ZFYVE21: variants seen among roughly 807,000 people sequenced by gnomAD.
ZFYVE21 encodes zinc finger FYVE domain-containing protein 21.
ZFYVE21 carries 21 observed loss-of-function variants against 29.5 expected under a neutral mutation model. The ratio of observed to expected loss-of-function variants is 0.71; its 90% confidence interval spans 0.50 to 1.02. The LOEUF (loss-of-function observed/expected upper bound fraction) is 1.02, where lower values mean the gene tolerates loss of function less well. Among genes scored for constraint, ZFYVE21 ranks in the 50% least tolerant of loss-of-function variants. The probability of loss-of-function intolerance (pLI) is 0.00; values close to 1 mark genes in which losing one functional copy is unlikely to be tolerated. For synonymous variants in ZFYVE21, 151 were observed against 133.8 expected, an observed-to-expected ratio of 1.13 and a Z score of -0.89; for missense variants, 326 against 335.4, an observed-to-expected ratio of 0.97 and a Z score of 0.22.
At chr14:103,721,687 C>T (rs549224009) in intron 1 of ZFYVE21, among the ~76,000 whole-genome samples, 1 of 152,230 alleles carries the variant, frequency 6.6e-6, no homozygotes, top group Non-Finnish European at 1.5e-5. Flanking sequence ...CCTTGCCTCA[C>T]TCTCCCTCTT....
chr14:103,729,277 CTGAGGAG>C, intron 5 of ZFYVE21, 95 bp downstream of exon 5: 1 of 1,254,602 alleles, frequency 8.0e-7, no homozygotes, highest in Non-Finnish European at 1.1e-6. Context: ...GGCAGCTGCC[CTGAGGAG>C]TGGGGTCTGC....
In ZFYVE21 at chr14:103,732,997, C is replaced by CT. The variant is rs1567073522; in HGVS notation, c.685dup (p.Tyr229LeufsTer2). 1 of 1,614,022 alleles carries CT rather than the reference C, an allele frequency of 6.2e-7. No homozygotes were observed. Among genetic ancestry groups the CT allele is most frequent in the South Asian group, 1.1e-5 (1 of 91,082 alleles). Reference sequence around the variant, plus strand: ...CTGATCTGCAGGCTGCCAAGCTCCTCTATGAATCTCGGGACCAGTAACTCT... The same window carrying CT: ...CTGATCTGCAGGCTGCCAAGCTCCTCTTATGAATCTCGGGACCAGTAACTCT... On this transcript the variant is annotated frameshift_variant, in exon 7 of 7. Transcript: ENST00000311141. LOFTEE classifies it high-confidence loss of function.
Position 103,733,129 on chromosome 14 carries a change from A to G in ZFYVE21, c.*111A>G. 7.1e-6 allele frequency: 10 copies of G among 1,406,546 alleles called. No individual in the cohort carries two copies. The South Asian group carries it at 1.2e-4, about 17-fold the overall frequency. The allele number at this position is 1,406,546 out of a possible 1,614,324, so 87.1% of individuals were successfully genotyped here. A position where few individuals can be genotyped will look rare whatever the true frequency, so the allele number is the denominator to read the frequency against. The stretch of plus-strand genomic sequence containing the variant: ...GGGATTAATCCTGCTTGTGCTGGGA[A>G]ATGCAACTCACTCATGTATTTGGAG... On this transcript the variant is annotated 3_prime_UTR_variant, in exon 7 of 7. Transcript: ENST00000311141.
intron 2 of ZFYVE21, 32 bp from the exon 3 acceptor site, chr14:103,727,711 CCCT>C (rs746160263): frequency 8.5e-5 from 135 of 1,595,750 alleles, no homozygotes; most frequent in Non-Finnish European, 1.0e-4. Context: ...TGTTCCCTGC[CCCT>C]CCTCACTGCC....
chr14:103,733,258 G>A lies in ZFYVE21; in HGVS notation c.*240G>A, dbSNP rs1344175116. On this transcript the variant is annotated 3_prime_UTR_variant, in exon 7 of 7. Coordinates refer to ENST00000311141, the MANE Select transcript of ZFYVE21 (RefSeq NM_024071.4). ...GTGTATTGTCAATACTTAATTGGGG[G>A]TGGGAGAGACTGAGCTACACTACTG... The A allele has an allele frequency of 3.7e-6, 2 of 535,958 alleles. No homozygotes were observed. Among genetic ancestry groups the A allele is most frequent in the Admixed American group, 3.3e-5 (1 of 30,096 alleles). The allele number at this position is 535,958 out of a possible 1,614,324, so 33.2% of individuals were successfully genotyped here. A position where few individuals can be genotyped will look rare whatever the true frequency, so the allele number is the denominator to read the frequency against.
At position 103,729,275 on chromosome 14, in the gene ZFYVE21, C is replaced by T. The variant is rs574092694; in HGVS notation, c.526+93C>T. On this transcript the variant is annotated intron_variant, in intron 5 of 6. Transcript: ENST00000311141. ...ATGCACTTTTGGGATCAGGCAGCTG[C>T]CCTGAGGAGTGGGGTCTGCTGGGTT... 133 of 1,276,062 alleles carry T rather than the reference C, an allele frequency of 1.0e-4. No individual in the cohort carries two copies. In the African/African-American group the frequency reaches 1.6e-3, roughly 16 times the overall value. The allele number at this position is 1,276,062 out of a possible 1,614,324, so 79.0% of individuals were successfully genotyped here.
In ZFYVE21 at chr14:103,732,602, C is replaced by T. The variant is rs565826356; in HGVS notation, c.527-18C>T. 6 of 1,550,346 alleles carry T rather than the reference C, an allele frequency of 3.9e-6. No individual in the cohort carries two copies. In the South Asian group the frequency reaches 7.4e-5, roughly 19 times the overall value. On this transcript the variant is annotated intron_variant, in intron 5 of 6. Coordinates refer to ENST00000311141, the MANE Select transcript of ZFYVE21 (RefSeq NM_024071.4). ...CAGGGCCTCCTTTGGGCCGTCTTAC[C>T]TCGTCTCTCTCCTCCAGGAGGCAAC... is the stretch of plus-strand genomic sequence containing the variant.
rs543120221 is a variant in ZFYVE21, at chr14:103,729,291, C to T, written c.526+109C>T. ...AGGCAGCTGCCCTGAGGAGTGGGGT[C>T]TGCTGGGTTTCCAGGACAATCTGCC... is the stretch of plus-strand genomic sequence containing the variant. On this transcript the variant is annotated intron_variant, in intron 5 of 6. Transcript: ENST00000311141. The T allele has an allele frequency of 2.7e-5, 30 of 1,093,064 alleles. No individual in the cohort carries two copies. In the African/African-American group the frequency reaches 4.4e-4, roughly 16 times the overall value. The allele number at this position is 1,093,064 out of a possible 1,614,324, so 67.7% of individuals were successfully genotyped here.
intron 2 of ZFYVE21, 159 bp downstream of exon 2, chr14:103,727,001 A>G: frequency 1.5e-6 from 1 of 682,650 alleles, no homozygotes; most frequent in Non-Finnish European, 2.4e-6. Flanking sequence ...GCTGGAGTGC[A>G]GTGGCTCCAT....
At chr14:103,730,068 C>G (rs12433009) in intron 5 of ZFYVE21, 288,162 of 578,642 alleles carry the variant, frequency 0.5, 76,083 homozygotes, top group African/African-American at 0.84. Flanking sequence ...TCTGTCTCAG[C>G]GGGAGGGTTA....
chr14:103,726,022 T>C (rs2083920387), intron 1 of ZFYVE21: 1 of 152,310 alleles, frequency 6.6e-6, no homozygotes, highest in African/African-American at 2.4e-5. Flanking sequence ...AGAACACTCT[T>C]GGCCAACAAA....
chr14:103,718,343 A>G (rs1350989998), intron 1 of ZFYVE21, among the ~76,000 whole-genome samples: 1 of 152,184 alleles, frequency 6.6e-6, no homozygotes, highest in Non-Finnish European at 1.5e-5. Context: ...CTGGTTTATC[A>G]GTTTGGGCCC....
chr14:103,719,721 G>A (rs113184204), intron 1 of ZFYVE21, among the ~76,000 whole-genome samples: 1 of 152,160 alleles, frequency 6.6e-6, no homozygotes, highest in African/African-American at 2.4e-5. Context: ...GAGGTGCCAG[G>A]GGCTGCCAGA....
intron 1 of ZFYVE21, among the ~76,000 whole-genome samples, chr14:103,720,891 C>T (rs955572541): frequency 5.3e-5 from 8 of 152,200 alleles, no homozygotes; most frequent in African/African-American, 1.4e-4. Flanking sequence ...GGCGCGATCT[C>T]GGCTCACTTC....
At chr14:103,722,444 T>C (rs1474661655) in intron 1 of ZFYVE21, among the ~76,000 whole-genome samples, 3 of 139,848 alleles carry the variant, frequency 2.1e-5, no homozygotes, top group Non-Finnish European at 4.5e-5. Flanking sequence ...AGCCTCGACC[T>C]CCTGGGCTCA....
chr14:103,717,747 C>CTGGG (rs142635208), intron 1 of ZFYVE21, among the ~76,000 whole-genome samples: 6,260 of 152,332 alleles, frequency 0.041, 163 homozygotes, highest in Middle Eastern at 0.065. Context: ...GGATGATTAA[C>CTGGG]TGGGATCTGA....
rs1313548938 is a variant in ZFYVE21 at position 103,727,566 on chromosome 14, G to GGATCCCCGCTGCGTGGTGGGGAGCCC, written c.190-179_190-154dup. The GGATCCCCGCTGCGTGGTGGGGAGCCC allele has an allele frequency of 6.6e-5, 51 of 772,460 alleles. No individual in the cohort carries two copies. In the Admixed American group the frequency reaches 1.0e-3, roughly 15 times the overall value. 47.9% of individuals were successfully genotyped at this position (772,460 alleles called of 1,614,324 possible). On this transcript the variant is annotated intron_variant, in intron 2 of 6. Coordinates refer to ENST00000311141, the MANE Select transcript of ZFYVE21 (RefSeq NM_024071.4). ...AAGGGCCTCATTTCCCAGGTGAGGC[G>GGATCCCCGCTGCGTGGTGGGGAGCCC]GATCCCCGCTGCGTGGTGGGGAGCC... is the stretch of plus-strand genomic sequence containing the variant.
At position 103,716,147 on chromosome 14, in the gene ZFYVE21, C is replaced by T. The variant is rs1042023878; in HGVS notation, c.138+168C>T. On this transcript the variant is annotated intron_variant, in intron 1 of 6. Transcript: ENST00000311141. This position sits in a 1 kb window ranked among gnomAD's most constrained non-coding sequence, Gnocchi z 4.8. Reference sequence around the variant, plus strand: ...GGTTGGCCGCGTCCCCGGGCCGCCGCCTCAGGCTCCTACGCCCGCGGGGAG... The same window carrying T: ...GGTTGGCCGCGTCCCCGGGCCGCCGTCTCAGGCTCCTACGCCCGCGGGGAG... Among the ~76,000 whole-genome samples, 1 of 151,606 alleles carries T rather than the reference C, an allele frequency of 6.6e-6. No homozygotes were observed. The highest frequency in any genetic ancestry group is 1.5e-5 in the Non-Finnish European group (1 of 67,856).
At chr14:103,727,981 C>A in intron 3 of ZFYVE21, 67 bp downstream of exon 3, 1 of 1,512,730 alleles carries the variant, frequency 6.6e-7, no homozygotes, top group Non-Finnish European at 9.0e-7. Flanking sequence ...TGTGGCGATG[C>A]TGTGGGCTGT....
Sources: allele counts gnomAD v4.1 joint callset (sites outside exome capture counted in the v4.1 genomes callset), GRCh38; gene constraint gnomAD v4.1.1; non-coding constraint Gnocchi (gnomAD v3.1); transcripts MANE v1.5; gene names NCBI Gene and HGNC (gene_info 2026-07-23, HGNC 2026-07-21).